The following CAMK2B variants were observed in gnomAD, a reference collection of about 807,000 sequenced individuals.
CAMK2B encodes the protein calcium/calmodulin-dependent protein kinase type II subunit beta.
In CAMK2B, 27 loss-of-function variants were observed where a neutral mutation model predicts 93.7. That is an observed-to-expected ratio of 0.29 (90% CI 0.21 to 0.40). The LOEUF is 0.40. CAMK2B is among the 10% of genes least tolerant of loss of function. The pLI, the probability that CAMK2B is intolerant of heterozygous loss-of-function variation, is 1.00. For synonymous variants in CAMK2B, 374 were observed against 358.8 expected, an observed-to-expected ratio of 1.04 and a Z score of -0.48; for missense variants, 568 against 895.8, an observed-to-expected ratio of 0.63 and a Z score of 4.67.
intron 1 of CAMK2B, among the ~76,000 whole-genome samples, chr7:44,320,098 T>C: frequency 6.6e-6 from 1 of 152,200 alleles, no homozygotes; most frequent in East Asian, 1.9e-4. Flanking sequence ...TGTCTGTGTG[T>C]GTTTTACAAG....
chr7:44,220,855 G>A lies in CAMK2B; in HGVS notation c.1644C>T (p.Ala548=), dbSNP rs768113994. The change falls in exon 21 of 24, where the codon GCC becomes GCT. Residue 548 remains alanine (A), a synonymous_variant. Coordinates refer to ENST00000395749, the MANE Select transcript of CAMK2B (RefSeq NM_001220.5). The part of the protein sequence containing the change: ...IIKTTEQLIE[A]VNNGDFEAYA... ...AGGCCTCAAAGTCACCGTTGTTGAC[G>A]GCCTCGATGAGCTGCTCCGTGGTCT... 3.1e-5 allele frequency: 49 copies of A among 1,572,250 alleles called. No homozygotes were observed. Among genetic ancestry groups the A allele is most frequent in the Middle Eastern group, 1.7e-4 (1 of 6,016 alleles).
rs564835679 is a variant in CAMK2B, at chr7:44,254,539, C to T, written c.341+3G>A. On this transcript the variant is annotated splice_donor_region_variant and intron_variant, in intron 5 of 23. Transcript: ENST00000395749. ...CAGGACAGCGTGAGGGCTCTGCACC[C>T]ACCTGGCATCAGCCTCGCTGTAGTA... 4.2e-4 allele frequency: 675 copies of T among 1,609,578 alleles called. 12 individuals are homozygous for T. The South Asian group carries it at 7.0e-3, about 17-fold the overall frequency.
Position 44,295,505 on chromosome 7 carries a change from C to T in CAMK2B, c.66-11280G>A, listed in dbSNP as rs539933594. ...TGGAACCAGTGCTGGGGTAGGGAAA[C>T]CTAAACTGTAATTGCCGAATTGCCA... On this transcript the variant is annotated intron_variant, in intron 1 of 23. Coordinates refer to ENST00000395749, the MANE Select transcript of CAMK2B (RefSeq NM_001220.5). Among the ~76,000 whole-genome samples the T allele has an allele frequency of 9.9e-5, 15 of 152,278 alleles. No individual in the cohort carries two copies. The South Asian group carries it at 2.5e-3, about 25-fold the overall frequency.
At chr7:44,284,767 G>A (rs1228359372) in intron 1 of CAMK2B, among the ~76,000 whole-genome samples, 4 of 152,244 alleles carry the variant, frequency 2.6e-5, no homozygotes, top group African/African-American at 9.6e-5. Flanking sequence ...GGGACTCATG[G>A]AAGGTTTTGT....
intron 1 of CAMK2B, among the ~76,000 whole-genome samples, chr7:44,310,702 A>C (rs1793306128): frequency 6.6e-6 from 1 of 152,220 alleles, no homozygotes; most frequent in African/African-American, 2.4e-5. Flanking sequence ...AACAAGGACA[A>C]ACACTGTCTG....
At chr7:44,255,755 T>G (rs2096828475) in intron 4 of CAMK2B, among the ~76,000 whole-genome samples, 1 of 152,190 alleles carries the variant, frequency 6.6e-6, no homozygotes, top group African/African-American at 2.4e-5. Flanking sequence ...GTGGATCTGT[T>G]GAACATGTGA....
chr7:44,285,764 G>T (rs34310058), intron 1 of CAMK2B, among the ~76,000 whole-genome samples: 40,774 of 147,248 alleles, frequency 0.28, 7,081 homozygotes, highest in Non-Finnish European at 0.39. Flanking sequence ...CAGGGACAGG[G>T]GCTGCCTCAG....
At chr7:44,230,514 CA>C (rs2096568975) in intron 17 of CAMK2B, among the ~76,000 whole-genome samples, 1 of 152,140 alleles carries the variant, frequency 6.6e-6, no homozygotes, top group African/African-American at 2.4e-5. Context: ...CCTGGGTGAG[CA>C]AGGGAGGGGG....
intron 1 of CAMK2B, among the ~76,000 whole-genome samples, chr7:44,316,149 T>A (rs887067894): frequency 6.6e-6 from 1 of 152,210 alleles, no homozygotes; most frequent in Admixed American, 6.5e-5. Context: ...AATATGAGGT[T>A]AGCTGCAGAT....
chr7:44,325,861 CCGCCCCCGCA>C (rs1797408585), upstream of CAMK2B: 1 of 145,790 alleles, frequency 6.9e-6, no homozygotes, highest in Non-Finnish European at 1.5e-5. Flanking sequence ...CCGCCCCCGC[CCGCCCCCGCA>C]CCCCACACAC....
intron 2 of CAMK2B, among the ~76,000 whole-genome samples, chr7:44,282,092 A>G (rs573128407): frequency 1.3e-5 from 2 of 152,340 alleles, no homozygotes; most frequent in African/African-American, 4.8e-5. Flanking sequence ...ATGCACAGGT[A>G]CGCTCACGCA....
rs148118081 is a variant in CAMK2B at position 44,288,232 on chromosome 7, C to T, written c.66-4007G>A. On this transcript the variant is annotated intron_variant, in intron 1 of 23. Transcript: ENST00000395749. ...CTTAGGCTCCCCGCCTCTCCACCAG[C>T]GCACAGAGGCTCGAAGCCCGGTCTT... Among the ~76,000 whole-genome samples, 375 of 152,366 alleles carry T rather than the reference C, an allele frequency of 2.5e-3. 1 individual carries two copies. The highest frequency in any genetic ancestry group is 8.2e-3 in the African/African-American group (343 of 41,588).
intron 6 of CAMK2B, among the ~76,000 whole-genome samples, chr7:44,246,187 C>A (rs936914709): frequency 6.6e-6 from 1 of 152,026 alleles, no homozygotes; most frequent in East Asian, 1.9e-4. Flanking sequence ...CTGCTCCCAG[C>A]GGCGTCAGCC....
chr7:44,276,141 G>A (rs756743900), intron 2 of CAMK2B, among the ~76,000 whole-genome samples: 16 of 149,508 alleles, frequency 1.1e-4, no homozygotes, highest in Admixed American at 7.3e-4. Flanking sequence ...AGGGGGAGGG[G>A]AGAAGAGAGG....
At chr7:44,261,706 A>G (rs1000397933) in intron 3 of CAMK2B, among the ~76,000 whole-genome samples, 6 of 152,274 alleles carry the variant, frequency 3.9e-5, no homozygotes, top group Non-Finnish European at 7.3e-5. Flanking sequence ...GGTTTAAAAG[A>G]AAACCTAACT....
intron 1 of CAMK2B, among the ~76,000 whole-genome samples, chr7:44,310,855 G>A (rs1793350678): frequency 6.6e-6 from 1 of 152,174 alleles, no homozygotes. Flanking sequence ...ACGTTCTGGA[G>A]ATGGATGATG....
chr7:44,285,843 T>TG (rs1406676117), intron 1 of CAMK2B, among the ~76,000 whole-genome samples: 1 of 13,578 alleles, frequency 7.4e-5, no homozygotes, highest in African/African-American at 3.2e-4. Flanking sequence ...GGGCGCGGTG[T>TG]GGGGGGGACA....
In CAMK2B at chr7:44,243,552, G is replaced by T. The variant is rs369142786; in HGVS notation, c.415-25C>A. 2.5e-6 allele frequency: 4 copies of T among 1,594,406 alleles called. No individual in the cohort carries two copies. The African/African-American group carries it at 4.0e-5, about 16-fold the overall frequency. ...GCTGCAGGGAGGTGACCGGCACAAG[G>T]GTGCATGTTGTTTAAACCCAGAGGT... On this transcript the variant is annotated intron_variant, in intron 6 of 23. Transcript: ENST00000395749.
rs957822193 is a variant in CAMK2B, at chr7:44,312,947, T to C, written c.65+12410A>G. Among the ~76,000 whole-genome samples the C allele has an allele frequency of 3.0e-4, 46 of 152,100 alleles. No individual in the cohort carries two copies. The highest frequency in any genetic ancestry group is 1.0e-3 in the African/African-American group (43 of 41,406). On this transcript the variant is annotated intron_variant, in intron 1 of 23. Transcript: ENST00000395749. This position sits in a 1 kb window ranked among gnomAD's most constrained non-coding sequence, Gnocchi z 4.1. ...TGAAAGGATGGGGATGGGGTGGTGG[T>C]AGGCAGTGGGCCCAGGACAGCTGGG...
Sources: gnomAD v4.1 joint callset for allele counts (sites outside exome capture counted in the v4.1 genomes callset) on GRCh38, gnomAD v4.1.1 for gene constraint, Gnocchi (gnomAD v3.1) non-coding constraint, MANE v1.5 for transcripts, NCBI Gene and HGNC (gene_info 2026-07-23, HGNC 2026-07-21) for gene names.